RBMS3: variants seen among roughly 807,000 people sequenced by gnomAD.
RBMS3 encodes the protein RNA-binding motif, single-stranded-interacting protein 3.
Under a neutral mutation model 66.8 loss-of-function variants are expected in RBMS3, and 27 were observed. The observed-to-expected ratio is 0.40, with a 90% CI of 0.30 to 0.56. RBMS3 has a LOEUF of 0.56. Ranked by LOEUF, RBMS3 falls within the 20% of genes least tolerant of loss-of-function variation. RBMS3 has a pLI of 0.40. For synonymous variants in RBMS3, 188 were observed against 183.0 expected, an observed-to-expected ratio of 1.03 and a Z score of -0.22; for missense variants, 513 against 549.5, an observed-to-expected ratio of 0.93 and a Z score of 0.66.
intron 7 of RBMS3, among the ~76,000 whole-genome samples, chr3:29,881,701 G>C (rs1006692936): frequency 1.3e-5 from 2 of 152,084 alleles, no homozygotes; most frequent in African/African-American, 4.8e-5. Flanking sequence ...GATAATTACT[G>C]TATTCCTAGC....
chr3:29,366,096 G>T (rs1402263216), intron 1 of RBMS3, among the ~76,000 whole-genome samples: 2 of 152,106 alleles, frequency 1.3e-5, no homozygotes, highest in African/African-American at 4.8e-5. Context: ...CCACACTGTT[G>T]TATGCATATA....
Position 29,497,973 on chromosome 3 carries a change from A to ATTTTTTTTTTTTTT in RBMS3, c.307+9498_307+9511dup, listed in dbSNP as rs779555263. Among the ~76,000 whole-genome samples the ATTTTTTTTTTTTTT allele has an allele frequency of 8.3e-4, 36 of 43,438 alleles. 11 individuals are homozygous for ATTTTTTTTTTTTTT. The highest frequency in any genetic ancestry group is 6.0e-3 in the East Asian group (8 of 1,330). The allele number at this position is 43,438 out of a possible 152,430, so 28.5% of individuals were successfully genotyped here. A position where few individuals can be genotyped will look rare whatever the true frequency, so the allele number is the denominator to read the frequency against. ...TCAGAGTTATTCTCTAAAAGTATTC[A>ATTTTTTTTTTTTTT]TTTTTTTTTTTTTTTTTTTTTTTTT... is the stretch of plus-strand genomic sequence containing the variant. On this transcript the variant is annotated intron_variant, in intron 3 of 14. Transcript: ENST00000383767.
At chr3:29,525,085 A>T (rs1336624717) in intron 3 of RBMS3, among the ~76,000 whole-genome samples, 1 of 152,122 alleles carries the variant, frequency 6.6e-6, no homozygotes, top group Non-Finnish European at 1.5e-5. Context: ...TCTTCAGGCC[A>T]CAGAGAGCAA....
At chr3:29,956,217 T>C (rs1235741105) in intron 12 of RBMS3, among the ~76,000 whole-genome samples, 1 of 152,092 alleles carries the variant, frequency 6.6e-6, no homozygotes, top group African/African-American at 2.4e-5. Context: ...TAATGGTGAG[T>C]GCTTGCTTTC....
intron 3 of RBMS3, among the ~76,000 whole-genome samples, chr3:29,530,857 G>A: frequency 6.7e-6 from 1 of 149,536 alleles, no homozygotes; most frequent in African/African-American, 2.5e-5. Flanking sequence ...GGGTGACAGT[G>A]CAAGATTCCA....
chr3:29,630,944 T>G (rs1450190031), intron 4 of RBMS3, among the ~76,000 whole-genome samples: 2 of 151,908 alleles, frequency 1.3e-5, no homozygotes, highest in African/African-American at 4.8e-5. Flanking sequence ...TAGGATTGGT[T>G]TCAAAACCAT....
At chr3:29,517,271 A>ATG (rs58702096) in intron 3 of RBMS3, among the ~76,000 whole-genome samples, 5,512 of 129,404 alleles carry the variant, frequency 0.043, 129 homozygotes, top group South Asian at 0.083. Flanking sequence ...GATTTCATAT[A>ATG]TGTGTGTGTG....
intron 5 of RBMS3, among the ~76,000 whole-genome samples, chr3:29,742,628 AG>A (rs1208958763): frequency 6.6e-6 from 1 of 152,190 alleles, no homozygotes; most frequent in Non-Finnish European, 1.5e-5. Flanking sequence ...CTCCTATAAA[AG>A]TTTTGTTTTT....
At position 29,369,967 on chromosome 3, in the gene RBMS3, AGC is replaced by A. The variant is rs927478788; in HGVS notation, c.76-64775_76-64774del. The stretch of plus-strand genomic sequence containing the variant: ...AATCTGAAGATACAATGCAGACACC[AGC>A]TTTTCTTTCAGAGGTTATTTTAAGT... On this transcript the variant is annotated intron_variant, in intron 1 of 14. Coordinates refer to ENST00000383767, the MANE Select transcript of RBMS3 (RefSeq NM_001003793.3). Among the ~76,000 whole-genome samples, 44 of 152,256 alleles carry A rather than the reference AGC, an allele frequency of 2.9e-4. 4 individuals are homozygous for A. The highest frequency in any genetic ancestry group is 2.5e-3 in the Admixed American group (38 of 15,272).
intron 1 of RBMS3, among the ~76,000 whole-genome samples, chr3:29,374,113 T>A (rs552315435): frequency 6.6e-6 from 1 of 152,314 alleles, no homozygotes; most frequent in South Asian, 2.1e-4. Context: ...CTGGGGACTA[T>A]AACCATTTGA....
At chr3:29,725,955 C>T (rs114072443) in intron 4 of RBMS3, among the ~76,000 whole-genome samples, 4,234 of 152,150 alleles carry the variant, frequency 0.028, 82 homozygotes, top group Admixed American at 0.062. Context: ...TGCGAAAATC[C>T]TCAATAAAAT....
intron 3 of RBMS3, among the ~76,000 whole-genome samples, chr3:29,535,460 TCAC>T: frequency 6.6e-6 from 1 of 152,110 alleles, no homozygotes; most frequent in Admixed American, 6.5e-5. Context: ...CTAATTGCCA[TCAC>T]CAGTAAATTC....
At chr3:29,544,718 T>G (rs1559455394) in intron 3 of RBMS3, among the ~76,000 whole-genome samples, 1 of 152,048 alleles carries the variant, frequency 6.6e-6, no homozygotes, top group Non-Finnish European at 1.5e-5. Context: ...TGTGTGTGTA[T>G]AGTTGATGAT....
Position 29,461,153 on chromosome 3 carries a change from T to C in RBMS3, c.248+26238T>C, listed in dbSNP as rs185925015. Among the ~76,000 whole-genome samples, 26 of 152,354 alleles carry C rather than the reference T, an allele frequency of 1.7e-4. No homozygotes were observed. In the East Asian group the frequency reaches 5.0e-3, roughly 29 times the overall value. On this transcript the variant is annotated intron_variant, in intron 2 of 14. Transcript: ENST00000383767. Reference sequence around the variant, plus strand: ...TACCATAACATTTCATTTTCTCCTCTTCTTCCTTTCTTGTGCGCTTCATTT... The same window carrying C: ...TACCATAACATTTCATTTTCTCCTCCTCTTCCTTTCTTGTGCGCTTCATTT...
chr3:29,978,545 C>A (rs1697753088), intron 12 of RBMS3, among the ~76,000 whole-genome samples: 1 of 151,516 alleles, frequency 6.6e-6, no homozygotes, highest in African/African-American at 2.4e-5. Flanking sequence ...TAAATCTCTA[C>A]TGGTTATTTT....
At chr3:29,907,156 T>C (rs2060401102) in intron 10 of RBMS3, among the ~76,000 whole-genome samples, 1 of 152,144 alleles carries the variant, frequency 6.6e-6, no homozygotes, top group South Asian at 2.1e-4. Flanking sequence ...TATCCCACTC[T>C]TGCAAAATGT....
chr3:29,356,736 GTGTT>G (rs1279675010), intron 1 of RBMS3, among the ~76,000 whole-genome samples: 1 of 152,146 alleles, frequency 6.6e-6, no homozygotes, highest in Non-Finnish European at 1.5e-5. Flanking sequence ...AAAGATGTGT[GTGTT>G]TGTCAGTGGA....
chr3:29,383,195 C>A (rs1280601944), intron 1 of RBMS3, among the ~76,000 whole-genome samples: 1 of 152,170 alleles, frequency 6.6e-6, no homozygotes, highest in African/African-American at 2.4e-5. Flanking sequence ...TCCAAGATAG[C>A]AATTACCAAT....
intron 10 of RBMS3, among the ~76,000 whole-genome samples, chr3:29,919,749 CT>C (rs1276627953): frequency 2.6e-5 from 4 of 152,204 alleles, no homozygotes; most frequent in Non-Finnish European, 5.9e-5. Context: ...TTCCATTTCC[CT>C]GTAAAATTAT....
Sources: allele counts gnomAD v4.1 joint callset (sites outside exome capture counted in the v4.1 genomes callset), GRCh38; gene constraint gnomAD v4.1.1; transcripts MANE v1.5; gene names NCBI Gene and HGNC (gene_info 2026-07-23, HGNC 2026-07-21).